GAB3: variants seen among roughly 807,000 people sequenced by gnomAD.
GAB3 encodes GRB2-associated-binding protein 3.
A neutral mutation model predicts 40.4 loss-of-function variants in GAB3; 12 were observed. That is an observed-to-expected ratio of 0.30 (90% CI 0.19 to 0.48). The LOEUF (loss-of-function observed/expected upper bound fraction) is 0.48, where lower values mean the gene tolerates loss of function less well. Ranked by LOEUF, GAB3 falls within the 20% of genes least tolerant of loss-of-function variation. The probability of loss-of-function intolerance (pLI) is 0.99; values close to 1 mark genes in which losing one functional copy is unlikely to be tolerated. For synonymous variants in GAB3, 154 were observed against 176.7 expected, an observed-to-expected ratio of 0.87 and a Z score of 1.02; for missense variants, 381 against 461.9, an observed-to-expected ratio of 0.82 and a Z score of 1.61.
chrX:154,709,402 A>G (rs1036853670), intron 4 of GAB3, among the ~76,000 whole-genome samples: 6 of 106,180 alleles, frequency 5.7e-5, no homozygotes, highest in East Asian at 2.9e-4. Flanking sequence ...CTCACTGCAA[A>G]CTCTGCCTCC....
At chrX:154,708,742 C>G (rs1603425589) in intron 4 of GAB3, among the ~76,000 whole-genome samples, 1 of 111,465 alleles carries the variant, frequency 9.0e-6, no homozygotes, top group South Asian at 3.8e-4. Flanking sequence ...AGAAGAGAAC[C>G]CTTGTACACT....
In GAB3 at chrX:154,676,605, G is replaced by A. The variant is rs1286168515; in HGVS notation, c.*1573C>T. Reference sequence around the variant, plus strand: ...AACCTGCTTCTTTGAAAATCAAAACGGCTTCTTTGAAAATCAAAATGACTT... The same window carrying A: ...AACCTGCTTCTTTGAAAATCAAAACAGCTTCTTTGAAAATCAAAATGACTT... On this transcript the variant is annotated 3_prime_UTR_variant, in exon 10 of 10. Coordinates refer to ENST00000424127, the MANE Select transcript of GAB3 (RefSeq NM_001081573.3). The A allele has an allele frequency of 8.9e-6, 1 of 111,876 alleles. No homozygotes were observed. Among genetic ancestry groups the A allele is most frequent in the South Asian group, 3.7e-4 (1 of 2,696 alleles). 9.2% of individuals were successfully genotyped at this position (111,876 alleles called of 1,213,427 possible). A position where few individuals can be genotyped will look rare whatever the true frequency, so the allele number is the denominator to read the frequency against.
intron 4 of GAB3, among the ~76,000 whole-genome samples, chrX:154,708,207 A>G (rs2070844822): frequency 1.8e-5 from 2 of 112,050 alleles, no homozygotes; most frequent in Admixed American, 1.9e-4. Flanking sequence ...TTCTTATACC[A>G]TATACAAAAA....
At chrX:154,702,873 T>C (rs1014258993) in intron 4 of GAB3, among the ~76,000 whole-genome samples, 3 of 111,882 alleles carry the variant, frequency 2.7e-5, no homozygotes, top group African/African-American at 9.8e-5. Context: ...AAAAGAGACA[T>C]ACATGCAGCC....
chrX:154,736,263 G>A (rs782218092), intron 1 of GAB3, among the ~76,000 whole-genome samples: 24 of 112,635 alleles, frequency 2.1e-4, no homozygotes, highest in African/African-American at 7.4e-4. Context: ...GAGCAGTTTT[G>A]ATGGAGTGGT....
At chrX:154,690,536 T>G (rs182788729) in intron 8 of GAB3, among the ~76,000 whole-genome samples, 53 of 111,632 alleles carry the variant, frequency 4.7e-4, no homozygotes, top group Non-Finnish European at 5.5e-4. Context: ...TGGGCTAATA[T>G]CCAGAATCTA....
chrX:154,738,730 T>C (rs976204399), intron 1 of GAB3, among the ~76,000 whole-genome samples: 4 of 112,274 alleles, frequency 3.6e-5, no homozygotes, highest in African/African-American at 1.3e-4. Context: ...ATATTTTCCC[T>C]TCTGCTGCAT....
chrX:154,705,645 G>A (rs1384669641), intron 4 of GAB3, among the ~76,000 whole-genome samples: 9 of 111,754 alleles, frequency 8.1e-5, no homozygotes, highest in African/African-American at 2.9e-4. Context: ...AGAGAATGGG[G>A]AAATGCTGAA....
At chrX:154,750,719 G>A (rs1369689071) in intron 1 of GAB3, among the ~76,000 whole-genome samples, 2 of 112,564 alleles carry the variant, frequency 1.8e-5, no homozygotes, top group Non-Finnish European at 3.8e-5. Flanking sequence ...GCGGCGGTCT[G>A]GAGTCCCTGA....
rs185891450 is a variant in GAB3, at chrX:154,701,125, C to T, written c.1070-1066G>A. Among the ~76,000 whole-genome samples, 5 of 111,939 alleles carry T rather than the reference C, an allele frequency of 4.5e-5. No homozygotes were observed. In the East Asian group the frequency reaches 1.4e-3, roughly 31 times the overall value. On this transcript the variant is annotated intron_variant, in intron 4 of 9. Coordinates refer to ENST00000424127, the MANE Select transcript of GAB3 (RefSeq NM_001081573.3). Reference sequence around the variant, plus strand: ...CATGTATTAGCTGTATGGCACTAGACAAGTTACTTACCCTCTCTATGTCTC... The same window carrying T: ...CATGTATTAGCTGTATGGCACTAGATAAGTTACTTACCCTCTCTATGTCTC...
chrX:154,708,973 C>A (rs2070863001), intron 4 of GAB3, among the ~76,000 whole-genome samples: 1 of 111,764 alleles, frequency 8.9e-6, no homozygotes. Flanking sequence ...CTGTGTCCCC[C>A]ACAAATCTCA....
At chrX:154,697,813 A>G (rs1557251154) in intron 6 of GAB3, among the ~76,000 whole-genome samples, 1 of 112,308 alleles carries the variant, frequency 8.9e-6, no homozygotes, top group Non-Finnish European at 1.9e-5. Flanking sequence ...GTGCTCCAGG[A>G]GAATAGGGGT....
At chrX:154,690,769 T>G (rs369980325) in intron 8 of GAB3, among the ~76,000 whole-genome samples, 2 of 109,904 alleles carry the variant, frequency 1.8e-5, no homozygotes, top group Non-Finnish European at 3.8e-5. Context: ...CAGGAAACAA[T>G]AGGTGCTGGA....
intron 8 of GAB3, among the ~76,000 whole-genome samples, chrX:154,690,951 A>C (rs1288713154): frequency 9.1e-6 from 1 of 109,741 alleles, no homozygotes; most frequent in African/African-American, 3.4e-5. Flanking sequence ...TCATGCTGCT[A>C]TAAAGACACA....
intron 8 of GAB3, among the ~76,000 whole-genome samples, chrX:154,687,258 G>A (rs2070466683): frequency 9.1e-6 from 1 of 110,463 alleles, no homozygotes; most frequent in Non-Finnish European, 1.9e-5. Flanking sequence ...GATATACTGT[G>A]CTCAGTAATT....
intron 1 of GAB3, among the ~76,000 whole-genome samples, chrX:154,736,053 C>T (rs1391462272): frequency 3.6e-5 from 4 of 112,603 alleles, no homozygotes; most frequent in Non-Finnish European, 3.8e-5. Context: ...CAGGAGCTGC[C>T]GCTGTTGGAA....
intron 4 of GAB3, among the ~76,000 whole-genome samples, chrX:154,710,595 G>A (rs782276512): frequency 1.9e-4 from 21 of 111,534 alleles, no homozygotes; most frequent in Admixed American, 1.4e-3. Flanking sequence ...GGACAAAAAC[G>A]AACCTTGACC....
intron 4 of GAB3, among the ~76,000 whole-genome samples, chrX:154,706,661 C>T (rs2070813340): frequency 9.0e-6 from 1 of 110,560 alleles, no homozygotes; most frequent in Non-Finnish European, 1.9e-5. Context: ...GCCTGTAATC[C>T]CAGTACGTTG....
Position 154,712,633 on chromosome X carries a change from A to C in GAB3, c.665T>G (p.Val222Gly), listed in dbSNP as rs2070971559. ...RSLEQASFDD[V>G]FVDCLQPLPS... ...GAGCGGCTGCAGGCAGTCAACAAAA[A>C]CATCATCAAATGAAGCCTGTTCCAA... Residue 222 changes from valine (V) to glycine (G), a missense_variant, in exon 4 of 10, where the codon GTT (valine) becomes GGT (glycine). Physicochemically the swap from Val to Gly is moderately radical, Grantham distance 109. This residue lies in a region of GAB3 where 364 missense variants were observed against 421.0 expected (regional missense o/e 0.86). Transcript: ENST00000424127. The C allele has an allele frequency of 8.8e-7, 1 of 1,139,290 alleles. No homozygotes were observed. The highest frequency in any genetic ancestry group is 3.0e-5 in the East Asian group (1 of 33,001). 93.9% of individuals were successfully genotyped at this position (1,139,290 alleles called of 1,213,427 possible).
Sources: gnomAD v4.1 joint callset for allele counts (sites outside exome capture counted in the v4.1 genomes callset) on GRCh38, gnomAD v4.1.1 for gene constraint, gnomAD v4.1.1 regional missense constraint, MANE v1.5 for transcripts, NCBI Gene and HGNC (gene_info 2026-07-23, HGNC 2026-07-21) for gene names.